The following VAC14 variants were observed in gnomAD, a reference collection of about 807,000 sequenced individuals.
VAC14 encodes VAC14 component of PIKFYVE complex.
Under a neutral mutation model 85.3 loss-of-function variants are expected in VAC14, and 47 were observed. The observed-to-expected ratio is 0.55, with a 90% CI of 0.44 to 0.70. The LOEUF (loss-of-function observed/expected upper bound fraction) is 0.70. Ranked by LOEUF, VAC14 falls within the 30% of genes least tolerant of loss-of-function variation. The pLI is 0.00. For missense variants in VAC14, 861 were observed against 1,004.3 expected (o/e 0.86, Z 1.93); for synonymous variants, 447 against 430.5 (o/e 1.04, Z -0.47).
At chr16:70,799,965 A>G (rs538654223) in intron 1 of VAC14, among the ~76,000 whole-genome samples, 2 of 152,330 alleles carry the variant, frequency 1.3e-5, no homozygotes, top group South Asian at 2.1e-4. Flanking sequence ...CGGCTACTCT[A>G]CTGGACAGAA....
At chr16:70,785,989 G>T in intron 2 of VAC14, 120 bp from the exon 3 acceptor site, 1 of 1,351,162 alleles carries the variant, frequency 7.4e-7, no homozygotes, top group Non-Finnish European at 9.9e-7. Flanking sequence ...TGTGAGGGCT[G>T]GGCTCAAAGA....
intron 9 of VAC14, 187 bp from the exon 10 acceptor site, chr16:70,772,359 GC>G (rs1282176930): frequency 4.7e-5 from 27 of 571,660 alleles, no homozygotes; most frequent in Non-Finnish European, 8.1e-5. Flanking sequence ...TAGTCCCCAA[GC>G]TTGTAAGTCT....
chr16:70,719,471 GTA>G (rs1404274441), intron 14 of VAC14, among the ~76,000 whole-genome samples: 2 of 152,156 alleles, frequency 1.3e-5, no homozygotes, highest in Non-Finnish European at 2.9e-5. Context: ...GATAATGACA[GTA>G]TATACAACTG....
intron 18 of VAC14, chr16:70,689,632 A>T (rs2053562095): frequency 1.0e-6 from 1 of 985,478 alleles, no homozygotes. Flanking sequence ...ACCACCAGAA[A>T]ACATCTTGGA....
intron 9 of VAC14, chr16:70,772,374 G>T (rs528480130): frequency 1.6e-5 from 9 of 552,680 alleles, no homozygotes; most frequent in Non-Finnish European, 2.9e-5. Context: ...TAAGTCTGTA[G>T]TCACAGTGAT....
In VAC14 at chr16:70,762,663, G is replaced by GCACAC; in HGVS notation, c.1306-59_1306-58insGTGTG. The GCACAC allele has an allele frequency of 6.4e-7, 1 of 1,571,992 alleles. No individual in the cohort carries two copies. The highest frequency in any genetic ancestry group is 8.7e-7 in the Non-Finnish European group (1 of 1,145,640). On this transcript the variant is annotated intron_variant, in intron 11 of 18. Transcript: ENST00000261776. The surrounding 1 kb of genome is among the most constrained non-coding windows in gnomAD (Gnocchi z 4.1). ...TGCTCCCTTCGCCCCGGGACTACGT[G>GCACAC]CAGTGCAGTGTCCCGCTGGTGTGCA...
intron 14 of VAC14, among the ~76,000 whole-genome samples, chr16:70,725,944 C>T (rs1429509343): frequency 1.3e-5 from 2 of 152,208 alleles, no homozygotes; most frequent in Admixed American, 6.5e-5. Context: ...CTCTGCAAGG[C>T]GGCAGGGAGG....
intron 1 of VAC14, among the ~76,000 whole-genome samples, chr16:70,788,638 T>C (rs535350955): frequency 2.2e-4 from 33 of 152,330 alleles, no homozygotes; most frequent in African/African-American, 7.5e-4. Flanking sequence ...TGCCTAAGTA[T>C]TGACAGACAC....
chr16:70,784,240 G>A lies in VAC14; in HGVS notation c.487-20C>T, dbSNP rs999326934. 8.1e-6 allele frequency: 13 copies of A among 1,604,858 alleles called. No homozygotes were observed. The highest frequency in any genetic ancestry group is 1.1e-5 in the Non-Finnish European group (13 of 1,172,062). The stretch of plus-strand genomic sequence containing the variant: ...AATGTCCTGTGGATCAGAGGAAAGT[G>A]AGCTGCCGAGAGCCCGAGACCAGGG... On this transcript the variant is annotated intron_variant, in intron 4 of 18. Transcript: ENST00000261776.
chr16:70,768,801 C>T (rs1232790283), intron 10 of VAC14: 2 of 453,638 alleles, frequency 4.4e-6, no homozygotes, highest in Non-Finnish European at 8.8e-6. Context: ...TGTGGATGTG[C>T]ATTTTTTTGG....
At position 70,800,782 on chromosome 16, in the gene VAC14, C is replaced by A; in HGVS notation, c.104+15G>T. ...AGGGGCTGCATAGCCAGGGAGGGGT[C>A]CTGGCGGCTCTTACTTCTCGATCTC... On this transcript the variant is annotated intron_variant, in intron 1 of 18. Coordinates refer to ENST00000261776, the MANE Select transcript of VAC14 (RefSeq NM_018052.5). 6.2e-7 allele frequency: 1 copy of A among 1,607,600 alleles called. No homozygotes were observed. The highest frequency in any genetic ancestry group is 1.1e-5 in the South Asian group (1 of 90,840).
chr16:70,710,221 G>A (rs181715759), intron 14 of VAC14, among the ~76,000 whole-genome samples: 18 of 152,374 alleles, frequency 1.2e-4, no homozygotes, highest in African/African-American at 3.8e-4. Flanking sequence ...CCATGAACAT[G>A]TTCCCATGCT....
At chr16:70,688,984 G>T (rs2053549054) in intron 18 of VAC14, 1 of 985,496 alleles carries the variant, frequency 1.0e-6, no homozygotes, top group Non-Finnish European at 1.2e-6. Flanking sequence ...CTGGGAAGGG[G>T]TCTCAGGAAG....
chr16:70,789,940 C>T (rs1338269008), intron 1 of VAC14, among the ~76,000 whole-genome samples: 11 of 152,140 alleles, frequency 7.2e-5, no homozygotes, highest in African/African-American at 2.2e-4. Flanking sequence ...TGCACGGCAG[C>T]GAAGGCCACC....
rs138075925 is a variant in VAC14, at chr16:70,781,909, A to G, written c.906T>C (p.Thr302=). ...CGTAGGCCAAGCAGGGCAAGACAGC[A>G]GTCAGGATCCCGGAGGAGTAAGGCA... ...VMLPYSSGIL[T]AVLPCLAYDD... Residue 302 remains threonine (T), a synonymous_variant, in exon 8 of 19, where the codon ACT becomes ACC. Coordinates refer to ENST00000261776, the MANE Select transcript of VAC14 (RefSeq NM_018052.5). 3.7e-6 allele frequency: 6 copies of G among 1,614,070 alleles called. No homozygotes were observed. Among genetic ancestry groups the G allele is most frequent in the African/African-American group, 1.3e-5 (1 of 74,936 alleles).
intron 14 of VAC14, among the ~76,000 whole-genome samples, chr16:70,720,591 G>C (rs572378581): frequency 6.6e-6 from 1 of 152,340 alleles, no homozygotes; most frequent in Non-Finnish European, 1.5e-5. Context: ...AAGTTTGGAT[G>C]ACTGTTCTTC....
intron 13 of VAC14, among the ~76,000 whole-genome samples, chr16:70,733,884 G>C (rs890534745): frequency 6.6e-6 from 1 of 152,122 alleles, no homozygotes; most frequent in Non-Finnish European, 1.5e-5. Flanking sequence ...TGAGTACAAT[G>C]GCACGGTCTT....
chr16:70,750,111 C>CCCCT (rs541989984), intron 12 of VAC14, among the ~76,000 whole-genome samples: 613 of 152,296 alleles, frequency 4.0e-3, no homozygotes, highest in Non-Finnish European at 4.7e-3. Context: ...TTACTGTGAG[C>CCCCT]CCCTCTCAAG....
intron 12 of VAC14, chr16:70,756,176 G>A (rs2143058192): frequency 2.3e-6 from 1 of 441,060 alleles, no homozygotes; most frequent in Middle Eastern, 3.4e-4. Context: ...CTTCTGCCCT[G>A]AGGCAGGAAG....
Sources: allele counts gnomAD v4.1 joint callset (sites outside exome capture counted in the v4.1 genomes callset), GRCh38; gene constraint gnomAD v4.1.1; non-coding constraint Gnocchi (gnomAD v3.1); transcripts MANE v1.5; gene names NCBI Gene and HGNC (gene_info 2026-07-23, HGNC 2026-07-21).